Variants in MTMR10 observed in about 807,000 individuals in gnomAD.
MTMR10 encodes myotubularin-related protein 10.
Under a neutral mutation model 88.1 loss-of-function variants are expected in MTMR10, and 56 were observed. That is an observed-to-expected ratio of 0.64 (90% CI 0.51 to 0.79). The LOEUF is 0.79. Ranked by LOEUF, MTMR10 falls within the 30% of genes least tolerant of loss-of-function variation. MTMR10 has a pLI of 0.00. For synonymous variants in MTMR10, 380 were observed against 340.9 expected, an observed-to-expected ratio of 1.11 and a Z score of -1.26; for missense variants, 883 against 924.7, an observed-to-expected ratio of 0.95 and a Z score of 0.58.
intron 9 of MTMR10, among the ~76,000 whole-genome samples, chr15:30,955,238 C>T (rs1045560072): frequency 1.3e-5 from 2 of 152,196 alleles, no homozygotes; most frequent in Non-Finnish European, 2.9e-5. Flanking sequence ...CACTGCCACC[C>T]CCACGTGCAG....
Position 30,940,634 on chromosome 15 carries a change from C to T in MTMR10, c.*836G>A, listed in dbSNP as rs543533583. The T allele has an allele frequency of 2.0e-6, 2 of 985,974 alleles. No homozygotes were observed. Among genetic ancestry groups the T allele is most frequent in the African/African-American group, 3.5e-5 (2 of 57,212 alleles). The allele number at this position is 985,974 out of a possible 1,614,324, so 61.1% of individuals were successfully genotyped here. A position where few individuals can be genotyped will look rare whatever the true frequency, so the allele number is the denominator to read the frequency against. Reference sequence around the variant, plus strand: ...GGCACTCTCCTGTCTACAGCATACACCTCTGTGGAATCAGCACCCCAGAGG... The same window carrying T: ...GGCACTCTCCTGTCTACAGCATACATCTCTGTGGAATCAGCACCCCAGAGG... On this transcript the variant is annotated 3_prime_UTR_variant, in exon 16 of 16. Coordinates refer to ENST00000435680, the MANE Select transcript of MTMR10 (RefSeq NM_017762.3).
the MTMR10 span, among the ~76,000 whole-genome samples, chr15:30,920,032 G>A: frequency 3.3e-5 from 5 of 152,188 alleles, no homozygotes; most frequent in Non-Finnish European, 7.3e-5. Context: ...AATATTTTAG[G>A]CTTTGCAGGC....
At chr15:30,991,142 C>G (rs2031293270) in intron 1 of MTMR10, 1 of 492,154 alleles carries the variant, frequency 2.0e-6, no homozygotes, top group South Asian at 3.5e-5. Context: ...GAGGGAGGGT[C>G]GATGGGTTGG....
the MTMR10 span, chr15:30,922,352 C>T: frequency 1.9e-5 from 31 of 1,599,904 alleles, no homozygotes; most frequent in Non-Finnish European, 2.5e-5. Context: ...GCGCCTGGAA[C>T]CGGTACTCAG....
chr15:30,979,363 C>A (rs1227838134), intron 2 of MTMR10, among the ~76,000 whole-genome samples: 5 of 151,680 alleles, frequency 3.3e-5, no homozygotes, highest in Admixed American at 6.6e-5. Context: ...AGTTTGAGAC[C>A]ACCTGAGCCA....
At chr15:30,988,929 G>T (rs1353561057) in intron 2 of MTMR10, among the ~76,000 whole-genome samples, 2 of 146,382 alleles carry the variant, frequency 1.4e-5, no homozygotes, top group South Asian at 2.1e-4. Context: ...GGCAGAGGTT[G>T]CAGTGAGCCG....
At chr15:30,944,905 A>T (rs377705008) in intron 14 of MTMR10, among the ~76,000 whole-genome samples, 1 of 151,554 alleles carries the variant, frequency 6.6e-6, no homozygotes, top group Admixed American at 6.6e-5. Context: ...CTAGCTACTC[A>T]GGTGGTTGAG....
chr15:30,991,551 A>G lies in MTMR10; in HGVS notation c.-45T>C, dbSNP rs756590455. 1 of 1,529,164 alleles carries G rather than the reference A, an allele frequency of 6.5e-7. No individual in the cohort carries two copies. Among genetic ancestry groups the G allele is most frequent in the Non-Finnish European group, 8.7e-7 (1 of 1,146,534 alleles). The allele number at this position is 1,529,164 out of a possible 1,614,324, so 94.7% of individuals were successfully genotyped here. On this transcript the variant is annotated 5_prime_UTR_variant, in exon 1 of 16. Coordinates refer to ENST00000435680, the MANE Select transcript of MTMR10 (RefSeq NM_017762.3). ...CCCGTTCCCGTCGCGGGCCAGTGGC[A>G]GCGCCGACGCCTCCGGGCGTAAAGC...
the MTMR10 span, among the ~76,000 whole-genome samples, chr15:30,929,794 TATA>T: frequency 1.8e-3 from 50 of 28,008 alleles, no homozygotes; most frequent in East Asian, 0.034. Flanking sequence ...TCATATATAA[TATA>T]ATATATAAAA....
chr15:30,927,422 C>T, the MTMR10 span: 9 of 985,500 alleles, frequency 9.1e-6, no homozygotes, highest in Admixed American at 5.5e-4. Context: ...CTTTTGAATC[C>T]CTGAGACGGG....
the MTMR10 span, among the ~76,000 whole-genome samples, chr15:30,929,666 TATATA>T: frequency 0.032 from 2,275 of 71,258 alleles, 197 homozygotes; most frequent in African/African-American, 0.1. Flanking sequence ...ATATATGAAA[TATATA>T]ATATATCATA....
intron 2 of MTMR10, among the ~76,000 whole-genome samples, chr15:30,979,558 CA>C (rs11414857): frequency 2.6e-4 from 38 of 145,858 alleles, no homozygotes; most frequent in South Asian, 1.7e-3. Flanking sequence ...GACTCCATCT[CA>C]AAAAAAAAAA....
chr15:30,945,561 C>T (rs545026828), intron 14 of MTMR10, among the ~76,000 whole-genome samples: 2 of 151,936 alleles, frequency 1.3e-5, no homozygotes, highest in African/African-American at 4.8e-5. Flanking sequence ...TGTGTGCGCA[C>T]GGGGTAGTGA....
chr15:30,974,555 C>T (rs2029970062), intron 4 of MTMR10, 99 bp from the exon 5 acceptor site: 1 of 1,145,734 alleles, frequency 8.7e-7, no homozygotes, highest in African/African-American at 1.6e-5. Flanking sequence ...GGAAGGTCAC[C>T]CAACATTTGA....
At chr15:30,989,185 T>A (rs2031148232) in intron 2 of MTMR10, among the ~76,000 whole-genome samples, 1 of 151,974 alleles carries the variant, frequency 6.6e-6, no homozygotes, top group Non-Finnish European at 1.5e-5. Flanking sequence ...TCAAGATGAG[T>A]ACTGTTTCCT....
chr15:30,963,508 C>T (rs980586844), intron 6 of MTMR10, among the ~76,000 whole-genome samples: 2 of 151,694 alleles, frequency 1.3e-5, no homozygotes, highest in East Asian at 1.9e-4. Flanking sequence ...TGTGGCGGCA[C>T]GTGCCTGTAG....
At chr15:30,918,860 G>T in the MTMR10 span, among the ~76,000 whole-genome samples, 1 of 152,138 alleles carries the variant, frequency 6.6e-6, no homozygotes, top group South Asian at 2.1e-4. Flanking sequence ...AATCATTTAG[G>T]ATATACAGTT....
chr15:30,943,248 G>GA (rs1412312699), intron 14 of MTMR10, 176 bp from the exon 15 acceptor site: 82 of 1,366,480 alleles, frequency 6.0e-5, no homozygotes, highest in Non-Finnish European at 7.0e-5. Flanking sequence ...TGAGCTCAGA[G>GA]GGCCCCACAG....
At chr15:30,959,143 A>C in intron 7 of MTMR10, 22 bp from the exon 8 acceptor site, 1 of 1,549,714 alleles carries the variant, frequency 6.5e-7, no homozygotes, top group Non-Finnish European at 8.8e-7. Context: ...AAAAAAAATT[A>C]TATGAGTGCT....
Sources: gnomAD v4.1 joint callset for allele counts (sites outside exome capture counted in the v4.1 genomes callset) on GRCh38, gnomAD v4.1.1 for gene constraint, MANE v1.5 for transcripts, NCBI Gene and HGNC (gene_info 2026-07-23, HGNC 2026-07-21) for gene names.